Variants in ADORA2A observed in about 807,000 individuals in gnomAD.
The protein encoded by ADORA2A is adenosine A2a receptor, also known as adenosine receptor A2a.
Under a neutral mutation model 18.4 loss-of-function variants are expected in ADORA2A, and 11 were observed. That is an observed-to-expected ratio of 0.60 (90% confidence interval 0.38 to 0.99). The LOEUF (loss-of-function observed/expected upper bound fraction) is 0.99, where lower values mean the gene tolerates loss of function less well. Among genes scored for constraint, ADORA2A ranks in the 50% least tolerant of loss-of-function variants. ADORA2A has a pLI of 0.01. For synonymous variants in ADORA2A, 218 were observed against 237.3 expected (o/e 0.92, Z 0.75); for missense variants, 449 against 556.1 (o/e 0.81, Z 1.94).
Position 24,441,495 on chromosome 22 carries a change from C to T in ADORA2A, c.*6C>T. 2.0e-6 allele frequency: 3 copies of T among 1,499,948 alleles called. No homozygotes were observed. Among genetic ancestry groups the T allele is most frequent in the Non-Finnish European group, 2.7e-6 (3 of 1,125,116 alleles). The allele number at this position is 1,499,948 out of a possible 1,614,324, so 92.9% of individuals were successfully genotyped here. ...ATGGAGCAGGAGTGTCCTGATGATT[C>T]ATGGAGTTTGCCCCTTCCTAAGGGA... On this transcript the variant is annotated 3_prime_UTR_variant, in exon 3 of 3. Coordinates refer to ENST00000337539, the MANE Select transcript of ADORA2A (RefSeq NM_000675.6).
chr22:24,433,532 A>G lies in ADORA2A; in HGVS notation c.128A>G (p.Tyr43Cys), dbSNP rs2043099509. Residue 43 changes from tyrosine (Y) to cysteine (C), a missense_variant, in exon 2 of 3, where the codon TAC becomes TGC. Transcript: ENST00000337539. ...LNSNLQNVTN[Y>C]FVVSLAAADI... Reference sequence around the variant, plus strand: ...AGCAACCTGCAGAACGTCACCAACTACTTTGTGGTGTCACTGGCGGCGGCC... The same window carrying G: ...AGCAACCTGCAGAACGTCACCAACTGCTTTGTGGTGTCACTGGCGGCGGCC... 6 of 1,614,052 alleles carry G rather than the reference A, an allele frequency of 3.7e-6. No individual in the cohort carries two copies. The highest frequency in any genetic ancestry group is 5.1e-6 in the Non-Finnish European group (6 of 1,180,004).
chr22:24,435,969 C>T (rs2043163949), intron 2 of ADORA2A, among the ~76,000 whole-genome samples: 1 of 152,238 alleles, frequency 6.6e-6, no homozygotes. Context: ...CAAAGGATGT[C>T]AGCTCAGCAT....
chr22:24,430,882 TC>T (rs1250056323), intron 1 of ADORA2A: 14 of 354,942 alleles, frequency 3.9e-5, no homozygotes, highest in African/African-American at 2.8e-4. Context: ...CCACTGGGCC[TC>T]ACTGGACAGT....
Position 24,440,735 on chromosome 22 carries a change from G to A in ADORA2A, c.485G>A (p.Gly162Asp). 6.2e-7 allele frequency: 1 copy of A among 1,614,232 alleles called. No individual in the cohort carries two copies. The highest frequency in any genetic ancestry group is 8.5e-7 in the Non-Finnish European group (1 of 1,180,028). Residue 162 changes from glycine to aspartate, a missense_variant, in exon 3 of 3, where the codon GGC becomes GAC. Gly to Asp is a moderately conservative substitution (Grantham distance 94, BLOSUM62 -1). Coordinates refer to ENST00000337539, the MANE Select transcript of ADORA2A (RefSeq NM_000675.6). ...GKNHSQGCGE[G>D]QVACLFEDVV... is the part of the protein sequence containing the mutation. ...AACCACTCCCAGGGCTGCGGGGAGG[G>A]CCAAGTGGCCTGTCTCTTTGAGGAT...
At position 24,441,283 on chromosome 22, in the gene ADORA2A, G is replaced by A. The variant is rs201030658; in HGVS notation, c.1033G>A (p.Val345Met). 4 of 1,612,510 alleles carry A rather than the reference G, an allele frequency of 2.5e-6. No homozygotes were observed. Among genetic ancestry groups the A allele is most frequent in the Non-Finnish European group, 2.5e-6 (3 of 1,179,220 alleles). Residue 345 changes from valine (V) to methionine (M), a missense_variant, in exon 3 of 3, where the codon GTG becomes ATG. Coordinates refer to ENST00000337539, the MANE Select transcript of ADORA2A (RefSeq NM_000675.6). ...SLRLNGHPPG[V>M]WANGSAPHPE... ...CCGTCTCAACGGCCACCCGCCAGGA[G>A]TGTGGGCCAACGGCAGTGCTCCCCA...
intron 1 of ADORA2A, chr22:24,431,056 G>A (rs748590001): frequency 5.6e-5 from 25 of 444,366 alleles, no homozygotes; most frequent in South Asian, 4.0e-4. Context: ...ACTGCTCAGG[G>A]AGAGAGGCCA....
chr22:24,425,337 A>ACCCCCCCCCCCCCCCCCCC (rs398036656), upstream of ADORA2A, among the ~76,000 whole-genome samples: 187 of 82,376 alleles, frequency 2.3e-3, 7 homozygotes, highest in African/African-American at 3.0e-3. Context: ...TGTGGGCAGC[A>ACCCCCCCCCCCCCCCCCCC]CCCCCCCCCC....
upstream of ADORA2A, among the ~76,000 whole-genome samples, chr22:24,425,229 C>A (rs999200346): frequency 5.9e-5 from 9 of 152,088 alleles, no homozygotes; most frequent in Non-Finnish European, 1.2e-4. Context: ...CTGTGGAGCA[C>A]CGCGGGCCTG....
At chr22:24,440,220 A>G (rs2043301827) in intron 2 of ADORA2A, among the ~76,000 whole-genome samples, 1 of 152,196 alleles carries the variant, frequency 6.6e-6, no homozygotes, top group Non-Finnish European at 1.5e-5. Context: ...TAAGGCTACG[A>G]CACGTTTCCC....
At chr22:24,430,679 G>A (rs895852946) in intron 1 of ADORA2A, among the ~76,000 whole-genome samples, 1 of 152,252 alleles carries the variant, frequency 6.6e-6, no homozygotes, top group Admixed American at 6.5e-5. Context: ...CTTCACTTTG[G>A]CAGACGTGTT....
chr22:24,423,639 C>G (rs894078536), upstream of ADORA2A: 1 of 152,654 alleles, frequency 6.6e-6, no homozygotes, highest in African/African-American at 2.4e-5. Flanking sequence ...GTGAGTGTGG[C>G]GCTGAGGAAG....
intron 2 of ADORA2A, among the ~76,000 whole-genome samples, chr22:24,434,802 G>A (rs529053857): frequency 2.4e-4 from 36 of 152,356 alleles, no homozygotes; most frequent in African/African-American, 7.9e-4. Context: ...GAGCGTCAAA[G>A]CCAAGGGGCC....
At chr22:24,429,126 TG>T (rs1568942963) in intron 1 of ADORA2A, 2 of 152,314 alleles carry the variant, frequency 1.3e-5, no homozygotes, top group African/African-American at 2.4e-5. Flanking sequence ...CAGCAGGCTC[TG>T]GGGGGTATAG....
rs757984995 is a variant in ADORA2A at position 24,433,647 on chromosome 22, C to T, written c.243C>T (p.Ala81=). The change falls in exon 2 of 3, where the codon GCC becomes GCT. Residue 81 remains alanine, a synonymous_variant. Transcript: ENST00000337539. ...CAACHGCLFI[A]CFVLVLTQSS... is the part of the protein sequence containing the mutation. ...CCTGCCACGGCTGCCTCTTCATTGC[C>T]TGCTTCGTCCTGGTCCTCACGCAGA... 1 of 1,613,500 alleles carries T rather than the reference C, an allele frequency of 6.2e-7. No individual in the cohort carries two copies. The highest frequency in any genetic ancestry group is 2.2e-5 in the East Asian group (1 of 44,880).
intron 2 of ADORA2A, 80 bp downstream of exon 2, chr22:24,433,816 T>C: frequency 6.8e-7 from 1 of 1,462,442 alleles, no homozygotes. Context: ...AGGGTGAGCC[T>C]GGGATCAGGG....
upstream of ADORA2A, chr22:24,423,833 C>CAGCGG (rs1238957907): frequency 6.6e-6 from 1 of 152,128 alleles, no homozygotes; most frequent in Non-Finnish European, 1.5e-5. Context: ...TTTCTCCGCG[C>CAGCGG]AGCGGGGCGG....
In ADORA2A at chr22:24,441,578, T is replaced by C; in HGVS notation, c.*89T>C. 2 of 1,324,906 alleles carry C rather than the reference T, an allele frequency of 1.5e-6. No homozygotes were observed. Among genetic ancestry groups the C allele is most frequent in the Non-Finnish European group, 2.0e-6 (2 of 1,013,576 alleles). The allele number at this position is 1,324,906 out of a possible 1,614,324, so 82.1% of individuals were successfully genotyped here. A position where few individuals can be genotyped will look rare whatever the true frequency, so the allele number is the denominator to read the frequency against. ...AGTCACGTTGGGAGAAGAGAGAGAG[T>C]GCCAGGAGACCCTGAGGGCAGCCGG... On this transcript the variant is annotated 3_prime_UTR_variant, in exon 3 of 3. Transcript: ENST00000337539.
Position 24,433,237 on chromosome 22 carries a change from GA to G in ADORA2A, c.-167del, listed in dbSNP as rs896788645. ...AGAGTCCTCTGTGAAAAAGCCCTTG[GA>G]GAGCGCCCCAGCAGGGCTGCACTTG... is the stretch of plus-strand genomic sequence containing the variant. On this transcript the variant is annotated 5_prime_UTR_variant, in exon 2 of 3. Transcript: ENST00000337539. 3.1e-6 allele frequency: 2 copies of G among 646,040 alleles called. No individual in the cohort carries two copies. Among genetic ancestry groups the G allele is most frequent in the African/African-American group, 3.7e-5 (2 of 54,656 alleles). The allele number at this position is 646,040 out of a possible 1,614,324, so 40.0% of individuals were successfully genotyped here.
intron 2 of ADORA2A, among the ~76,000 whole-genome samples, chr22:24,436,345 A>G (rs1181481895): frequency 6.6e-6 from 1 of 151,916 alleles, no homozygotes; most frequent in Non-Finnish European, 1.5e-5. Flanking sequence ...TCCACTCAGA[A>G]AGGTCCATTC....
Sources: gnomAD v4.1 joint callset for allele counts (sites outside exome capture counted in the v4.1 genomes callset) on GRCh38, gnomAD v4.1.1 for gene constraint, MANE v1.5 for transcripts, NCBI Gene and HGNC (gene_info 2026-07-23, HGNC 2026-07-21) for gene names.